Variants in TSEN2 observed in about 807,000 individuals in gnomAD.
TSEN2 encodes tRNA splicing endonuclease subunit 2.
In TSEN2, 54 loss-of-function variants were observed where a neutral mutation model predicts 59.2. That is an observed-to-expected ratio of 0.91 (90% confidence interval 0.73 to 1.14). The LOEUF (loss-of-function observed/expected upper bound fraction) is 1.14, where lower values mean the gene tolerates loss of function less well. Ranked by LOEUF, TSEN2 falls within the 50% of genes most tolerant of loss-of-function variation. The probability of loss-of-function intolerance (pLI) is 0.00; values close to 1 mark genes in which losing one functional copy is unlikely to be tolerated. For synonymous variants in TSEN2, 195 were observed against 198.2 expected (o/e 0.98, Z 0.14); for missense variants, 636 against 576.2 (o/e 1.10, Z -1.06).
chr3:12,500,605 C>T (rs1483798285), intron 4 of TSEN2, among the ~76,000 whole-genome samples: 1 of 152,116 alleles, frequency 6.6e-6, no homozygotes, highest in African/African-American at 2.4e-5. Context: ...TTCAAGATAC[C>T]ATATATTGAG....
intron 4 of TSEN2, among the ~76,000 whole-genome samples, chr3:12,498,047 T>A (rs1292388081): frequency 6.6e-6 from 1 of 151,944 alleles, no homozygotes; most frequent in African/African-American, 2.4e-5. Context: ...TGTGTTTCTG[T>A]GTGTCTTTGT....
chr3:12,506,738 A>T, intron 6 of TSEN2: 2 of 985,232 alleles, frequency 2.0e-6, no homozygotes, highest in Non-Finnish European at 2.4e-6. Context: ...CTGCCTTTGA[A>T]GCTAGGACCG....
chr3:12,527,493 G>T (rs1300296820), intron 8 of TSEN2, among the ~76,000 whole-genome samples: 2 of 135,164 alleles, frequency 1.5e-5, no homozygotes, highest in Non-Finnish European at 3.0e-5. Flanking sequence ...TCGCTCTGTC[G>T]CCCAGGCTGG....
intron 8 of TSEN2, among the ~76,000 whole-genome samples, chr3:12,522,112 T>C (rs1348140393): frequency 1.3e-5 from 2 of 152,230 alleles, no homozygotes; most frequent in Non-Finnish European, 2.9e-5. Flanking sequence ...TTGTTCATTT[T>C]ATTAATGTTC....
intron 1 of TSEN2, 145 bp from the exon 2 acceptor site, chr3:12,489,639 G>A (rs1341037229): frequency 2.9e-6 from 2 of 685,960 alleles, no homozygotes; most frequent in Non-Finnish European, 5.0e-6. Context: ...TGTTCTTACT[G>A]CTTTTAGTTT....
chr3:12,488,124 C>A (rs892972572), intron 1 of TSEN2, among the ~76,000 whole-genome samples: 2 of 152,192 alleles, frequency 1.3e-5, no homozygotes, highest in Admixed American at 6.5e-5. Context: ...TAAGCCTTTT[C>A]TTAATGGTCA....
intron 4 of TSEN2, 69 bp from the exon 5 acceptor site, chr3:12,503,188 CTGTTT>C (rs1229838866): frequency 1.3e-6 from 2 of 1,563,438 alleles, no homozygotes; most frequent in East Asian, 2.2e-5. Context: ...ACCTTCCAGT[CTGTTT>C]TATGTGCTTT....
chr3:12,491,027 G>C, intron 2 of TSEN2, among the ~76,000 whole-genome samples: 1 of 152,086 alleles, frequency 6.6e-6, no homozygotes, highest in Non-Finnish European at 1.5e-5. Context: ...GTCTTACCCT[G>C]TCACCCAGAC....
intron 9 of TSEN2, 87 bp downstream of exon 9, chr3:12,529,011 A>G: frequency 7.3e-7 from 1 of 1,366,576 alleles, no homozygotes; most frequent in South Asian, 1.2e-5. Context: ...TGCCATAGGA[A>G]CAAAAGTCAT....
intron 3 of TSEN2, 128 bp downstream of exon 3, chr3:12,492,345 A>T: frequency 1.4e-6 from 1 of 740,178 alleles, no homozygotes; most frequent in Non-Finnish European, 2.3e-6. Context: ...TTACTGCCAA[A>T]GTTAGCTAGA....
chr3:12,535,087 C>A (rs1054072527), downstream of TSEN2, among the ~76,000 whole-genome samples: 5 of 152,154 alleles, frequency 3.3e-5, no homozygotes, highest in Admixed American at 3.3e-4. Context: ...TATTTGCTTT[C>A]TCTTTTTTTA....
chr3:12,489,771 C>A lies in TSEN2; in HGVS notation c.-17-13C>A. 1 of 1,605,942 alleles carries A rather than the reference C, an allele frequency of 6.2e-7. No individual in the cohort carries two copies. Among genetic ancestry groups the A allele is most frequent in the Non-Finnish European group, 8.5e-7 (1 of 1,177,148 alleles). On this transcript the variant is annotated splice_polypyrimidine_tract_variant and intron_variant, in intron 1 of 11. Coordinates refer to ENST00000284995, the MANE Select transcript of TSEN2 (RefSeq NM_025265.4). ...TTGTCTGTTTCTTTCTGTTTGTTGT[C>A]TACTCTTTAAAGAATACCTCCTCTG...
rs139779346 is a variant in TSEN2 at position 12,502,317 on chromosome 3, G to A, written c.309-945G>A. Among the ~76,000 whole-genome samples the A allele has an allele frequency of 7.2e-3, 1,100 of 152,178 alleles. 10 individuals carry two copies. Among genetic ancestry groups the A allele is most frequent in the Admixed American group, 9.8e-3 (150 of 15,286 alleles). On this transcript the variant is annotated intron_variant, in intron 4 of 11. Transcript: ENST00000284995. The stretch of plus-strand genomic sequence containing the variant: ...TCCCAGCACTTTGGGAGGCCAAGGC[G>A]GTCGGATCTCTTGAGGTCAGGAGTT...
chr3:12,529,179 C>G (rs1317908033), intron 9 of TSEN2, among the ~76,000 whole-genome samples: 1 of 152,120 alleles, frequency 6.6e-6, no homozygotes, highest in African/African-American at 2.4e-5. Flanking sequence ...ATTTTAACAT[C>G]ACTTAGGCCA....
At chr3:12,489,461 A>T (rs1042918883) in intron 1 of TSEN2, among the ~76,000 whole-genome samples, 3 of 152,128 alleles carry the variant, frequency 2.0e-5, no homozygotes, top group Non-Finnish European at 2.9e-5. Flanking sequence ...GTAGACAGAA[A>T]TCCTGTTGTG....
intron 2 of TSEN2, among the ~76,000 whole-genome samples, chr3:12,491,920 T>G (rs1333310913): frequency 6.6e-6 from 1 of 152,220 alleles, no homozygotes; most frequent in Non-Finnish European, 1.5e-5. Flanking sequence ...ATAAGTAGCC[T>G]AGAGATGACT....
rs1410366406 is a variant in TSEN2 at position 12,496,451 on chromosome 3, T to G, written c.272-67T>G. 7 of 1,516,802 alleles carry G rather than the reference T, an allele frequency of 4.6e-6. No individual in the cohort carries two copies. The African/African-American group carries it at 6.9e-5, about 15-fold the overall frequency. The allele number at this position is 1,516,802 out of a possible 1,614,324, so 94.0% of individuals were successfully genotyped here. Reference sequence around the variant, plus strand: ...GAATCTTAAAATTCTCAGTCTTTCCTAGATTTTTAGTGTTTGTTCCCCTTA... The same window carrying G: ...GAATCTTAAAATTCTCAGTCTTTCCGAGATTTTTAGTGTTTGTTCCCCTTA... On this transcript the variant is annotated intron_variant, in intron 3 of 11. Transcript: ENST00000284995.
chr3:12,516,645 G>T lies in TSEN2; in HGVS notation c.944G>T (p.Ser315Ile), dbSNP rs1204366165. 1.2e-6 allele frequency: 2 copies of T among 1,613,938 alleles called. No individual in the cohort carries two copies. Among genetic ancestry groups the T allele is most frequent in the African/African-American group, 1.3e-5 (1 of 74,986 alleles). Residue 315 changes from serine to isoleucine, a missense_variant, in exon 7 of 12, where the codon AGT becomes ATT. Ser to Ile is a moderately radical substitution (Grantham distance 142, BLOSUM62 -2). Transcript: ENST00000284995. ...FFLVYALGCL[S>I]IYYEKEPLTI... is the part of the protein sequence containing the mutation. ...TTGGTCTATGCTCTGGGATGTTTAA[G>T]TATTTACTATGAGAAGGTAAGATGC...
At position 12,521,991 on chromosome 3, in the gene TSEN2, A is replaced by G. The variant is rs945824714; in HGVS notation, c.1099+2794A>G. Among the ~76,000 whole-genome samples the G allele has an allele frequency of 2.6e-5, 4 of 152,212 alleles. No individual in the cohort carries two copies. The East Asian group carries it at 7.7e-4, about 29-fold the overall frequency. On this transcript the variant is annotated intron_variant, in intron 8 of 11. Transcript: ENST00000284995. ...GCTACTGCACTCCAGCCTAGGCAAC[A>G]GAGTGAGACTGTCTCAAAAAATAAT...
Sources: gnomAD v4.1 joint callset for allele counts (sites outside exome capture counted in the v4.1 genomes callset) on GRCh38, gnomAD v4.1.1 for gene constraint, MANE v1.5 for transcripts, NCBI Gene and HGNC (gene_info 2026-07-23, HGNC 2026-07-21) for gene names.